Variants in OLA1 observed in about 807,000 individuals in gnomAD.
OLA1 encodes the protein obg-like ATPase 1.
OLA1 carries 14 observed loss-of-function variants against 48.4 expected under a neutral mutation model. That is an observed-to-expected ratio of 0.29 (90% CI 0.19 to 0.45). The LOEUF is 0.45. Ranked by LOEUF, OLA1 falls within the 20% of genes least tolerant of loss-of-function variation. The probability of loss-of-function intolerance (pLI) is 1.00; values close to 1 mark genes in which losing one functional copy is unlikely to be tolerated. For missense variants in OLA1, 325 were observed against 467.1 expected (o/e 0.70, Z 2.80); for synonymous variants, 127 against 150.4 (o/e 0.84, Z 1.14).
intron 4 of OLA1, among the ~76,000 whole-genome samples, chr2:174,220,958 C>T (rs2105449105): frequency 6.6e-6 from 1 of 152,298 alleles, no homozygotes; most frequent in South Asian, 2.1e-4. Flanking sequence ...TATCAATTTT[C>T]ATAGCCTCAA....
chr2:174,171,305 T>C (rs1191546521), intron 4 of OLA1, among the ~76,000 whole-genome samples: 2 of 152,174 alleles, frequency 1.3e-5, no homozygotes, highest in Non-Finnish European at 1.5e-5. Context: ...GAACATTACA[T>C]TCAATAATAA....
intron 5 of OLA1, among the ~76,000 whole-genome samples, chr2:174,135,156 C>T (rs1574500659): frequency 8.0e-6 from 1 of 124,306 alleles, no homozygotes; most frequent in Admixed American, 8.3e-5. Flanking sequence ...CAAGACTCCG[C>T]CTCCAAAAAA....
intron 4 of OLA1, among the ~76,000 whole-genome samples, chr2:174,186,889 A>G (rs1009101244): frequency 6.6e-6 from 1 of 152,202 alleles, no homozygotes; most frequent in African/African-American, 2.4e-5. Flanking sequence ...TAAGACATGA[A>G]GAAACAAGGG....
At chr2:174,203,187 G>A (rs1688028481) in intron 4 of OLA1, among the ~76,000 whole-genome samples, 4 of 151,974 alleles carry the variant, frequency 2.6e-5, no homozygotes, top group Admixed American at 2.6e-4. Context: ...AGTAAAATAG[G>A]CCAGTCTCCT....
At chr2:174,246,596 C>A (rs1689132005) in intron 2 of OLA1, 119 bp downstream of exon 2, 3 of 697,236 alleles carry the variant, frequency 4.3e-6, no homozygotes, top group Non-Finnish European at 5.0e-6. Flanking sequence ...TATTAATAGT[C>A]CAGCTTCCTG....
At chr2:174,090,154 C>G (rs1276225313) in intron 7 of OLA1, among the ~76,000 whole-genome samples, 1 of 152,034 alleles carries the variant, frequency 6.6e-6, no homozygotes, top group Non-Finnish European at 1.5e-5. Context: ...AATAAGACAG[C>G]ATGTGTGTGT....
At chr2:174,203,518 C>T (rs1449646069) in intron 4 of OLA1, among the ~76,000 whole-genome samples, 1 of 143,444 alleles carries the variant, frequency 7.0e-6, no homozygotes, top group African/African-American at 2.6e-5. Context: ...CCAGGCTGAT[C>T]TCGAACTCCT....
chr2:174,093,697 T>C (rs1685179606), intron 7 of OLA1, among the ~76,000 whole-genome samples: 1 of 152,228 alleles, frequency 6.6e-6, no homozygotes, highest in South Asian at 2.1e-4. Context: ...GTAATTATAG[T>C]TGTCACGAGA....
intron 7 of OLA1, among the ~76,000 whole-genome samples, chr2:174,099,131 T>C (rs1040560898): frequency 2.6e-5 from 4 of 151,990 alleles, no homozygotes; most frequent in African/African-American, 9.7e-5. Context: ...GTAGAAAGCG[T>C]ATTTGAGTTT....
intron 5 of OLA1, among the ~76,000 whole-genome samples, chr2:174,133,432 C>G (rs774028448): frequency 6.6e-6 from 1 of 152,204 alleles, no homozygotes; most frequent in African/African-American, 2.4e-5. Context: ...GCAACCTCGA[C>G]TCACTGCAAC....
intron 4 of OLA1, among the ~76,000 whole-genome samples, chr2:174,197,274 T>A (rs1332897513): frequency 6.6e-6 from 1 of 152,280 alleles, no homozygotes; most frequent in East Asian, 1.9e-4. Flanking sequence ...AAGGCCTAAT[T>A]AACTGCAGTG....
At chr2:174,220,807 A>G (rs1247416540) in intron 4 of OLA1, among the ~76,000 whole-genome samples, 1 of 152,226 alleles carries the variant, frequency 6.6e-6, no homozygotes, top group Non-Finnish European at 1.5e-5. Context: ...GAGAAACATG[A>G]TATTAATAAA....
intron 5 of OLA1, among the ~76,000 whole-genome samples, chr2:174,128,713 G>T (rs1686103391): frequency 6.7e-6 from 1 of 149,262 alleles, no homozygotes; most frequent in Non-Finnish European, 1.5e-5. Flanking sequence ...TTCCAGCCTG[G>T]GGGACAAGAG....
intron 2 of OLA1, among the ~76,000 whole-genome samples, chr2:174,240,731 A>G (rs1688980255): frequency 6.6e-6 from 1 of 152,186 alleles, no homozygotes; most frequent in African/African-American, 2.4e-5. Context: ...AGCTCTTTAG[A>G]ATGAAAATAC....
intron 7 of OLA1, among the ~76,000 whole-genome samples, chr2:174,087,039 T>C (rs988661523): frequency 5.3e-5 from 8 of 151,604 alleles, no homozygotes; most frequent in Non-Finnish European, 8.8e-5. Context: ...TTCTTTTTTT[T>C]TTTTTTGAGA....
intron 2 of OLA1, among the ~76,000 whole-genome samples, chr2:174,245,348 T>TG (rs759308819): frequency 1.2e-4 from 18 of 152,222 alleles, no homozygotes; most frequent in Non-Finnish European, 1.9e-4. Flanking sequence ...CAGCCACACT[T>TG]GCTCATGTTT....
intron 4 of OLA1, among the ~76,000 whole-genome samples, chr2:174,174,388 T>C (rs910575530): frequency 1.3e-5 from 2 of 152,002 alleles, no homozygotes; most frequent in African/African-American, 2.4e-5. Flanking sequence ...AATCAGTCTA[T>C]GTAATTTACC....
chr2:174,114,571 T>G (rs1178026308), intron 7 of OLA1, among the ~76,000 whole-genome samples: 1 of 152,088 alleles, frequency 6.6e-6, no homozygotes, highest in Non-Finnish European at 1.5e-5. Flanking sequence ...CTATTTGATC[T>G]TTTCCTTTTA....
intron 2 of OLA1, among the ~76,000 whole-genome samples, chr2:174,246,056 A>G (rs759214794): frequency 6.6e-6 from 1 of 151,752 alleles, no homozygotes; most frequent in Non-Finnish European, 1.5e-5. Context: ...TCCCAGCACT[A>G]TAAGAGGCTG....
Sources: gnomAD v4.1 joint callset for allele counts (sites outside exome capture counted in the v4.1 genomes callset) on GRCh38, gnomAD v4.1.1 for gene constraint, MANE v1.5 for transcripts, NCBI Gene and HGNC (gene_info 2026-07-23, HGNC 2026-07-21) for gene names.